Variants in GRK3 observed in about 807,000 individuals in gnomAD.
GRK3 encodes adrenergic, beta, receptor kinase 2.
A neutral mutation model predicts 95.7 loss-of-function variants in GRK3; 54 were observed. The ratio of observed to expected loss-of-function variants is 0.56; its 90% CI spans 0.45 to 0.71. GRK3 has a LOEUF of 0.71. Among genes scored for constraint, GRK3 ranks in the 30% least tolerant of loss-of-function variants. GRK3 has a pLI of 0.00. For synonymous variants in GRK3, 281 were observed against 290.8 expected (o/e 0.97, Z 0.34); for missense variants, 649 against 851.2 (o/e 0.76, Z 2.96).
At chr22:25,613,676 C>A (rs2084515556) in intron 2 of GRK3, among the ~76,000 whole-genome samples, 1 of 151,662 alleles carries the variant, frequency 6.6e-6, no homozygotes, top group South Asian at 2.1e-4. Flanking sequence ...TTCTTACAAA[C>A]CTACTGGCAA....
chr22:25,654,265 A>G (rs1017707388), intron 3 of GRK3, among the ~76,000 whole-genome samples: 9 of 152,228 alleles, frequency 5.9e-5, no homozygotes, highest in African/African-American at 2.2e-4. Flanking sequence ...CATTATTATT[A>G]GTGTGATATA....
At chr22:25,720,498 A>G (rs1292170018) in intron 19 of GRK3, among the ~76,000 whole-genome samples, 2 of 116,226 alleles carry the variant, frequency 1.7e-5, no homozygotes, top group Non-Finnish European at 3.4e-5. Flanking sequence ...TTTTTTTGAG[A>G]CAGAGTCTTG....
intron 1 of GRK3, among the ~76,000 whole-genome samples, chr22:25,596,002 G>T (rs1026951296): frequency 1.3e-5 from 2 of 152,096 alleles, no homozygotes; most frequent in Admixed American, 1.3e-4. Context: ...TGTATAAAAT[G>T]TTCTACTTCA....
At chr22:25,601,241 A>C (rs2146337728) in intron 1 of GRK3, among the ~76,000 whole-genome samples, 1 of 152,350 alleles carries the variant, frequency 6.6e-6, no homozygotes, top group South Asian at 2.1e-4. Flanking sequence ...TACTCAAAAC[A>C]GTAGATCATA....
intron 11 of GRK3, among the ~76,000 whole-genome samples, chr22:25,687,869 T>G (rs2085128804): frequency 6.6e-6 from 1 of 152,204 alleles, no homozygotes; most frequent in Admixed American, 6.5e-5. Context: ...CTGTCATTAT[T>G]ATAACCCTGG....
Position 25,663,611 on chromosome 22 carries a change from T to C in GRK3, c.367-19T>C. On this transcript the variant is annotated intron_variant, in intron 4 of 20. Coordinates refer to ENST00000324198, the MANE Select transcript of GRK3 (RefSeq NM_005160.4). ...GGTTACATTTTATTATTTAAAAATA[T>C]TATTTTTGACTTTGATAGCCTTTCT... 1 of 1,552,042 alleles carries C rather than the reference T, an allele frequency of 6.4e-7. No individual in the cohort carries two copies. Among genetic ancestry groups the C allele is most frequent in the Non-Finnish European group, 8.8e-7 (1 of 1,135,296 alleles).
intron 2 of GRK3, among the ~76,000 whole-genome samples, chr22:25,608,932 T>C (rs1036062009): frequency 4.6e-5 from 7 of 152,226 alleles, no homozygotes; most frequent in Non-Finnish European, 7.3e-5. Flanking sequence ...AATCTCCATT[T>C]GTTGTTTTTA....
At chr22:25,579,616 G>A (rs1000833770) in intron 1 of GRK3, among the ~76,000 whole-genome samples, 1 of 151,896 alleles carries the variant, frequency 6.6e-6, no homozygotes, top group Non-Finnish European at 1.5e-5. Context: ...GGGACTACAG[G>A]CACCCACCAC....
rs1555913827 is a variant in GRK3 at position 25,566,907 on chromosome 22, T to TTG, written c.113+1754_113+1755insTG. On this transcript the variant is annotated intron_variant, in intron 1 of 20. Coordinates refer to ENST00000324198, the MANE Select transcript of GRK3 (RefSeq NM_005160.4). Reference sequence around the variant, plus strand: ...CTCAACTCATGGGCAGTTTTTTTTTTGGGGGGGGCTAGTATATAATATTAA... The same window carrying TTG: ...CTCAACTCATGGGCAGTTTTTTTTTTTGGGGGGGGGCTAGTATATAATATTAA... 5.9e-3 allele frequency among the ~76,000 whole-genome samples: 879 copies of TTG among 149,244 alleles called. 12 individuals are homozygous for TTG. Among genetic ancestry groups the TTG allele is most frequent in the African/African-American group, 0.02 (812 of 39,744 alleles).
chr22:25,683,276 G>A (rs1408369403), intron 9 of GRK3, among the ~76,000 whole-genome samples: 2 of 152,206 alleles, frequency 1.3e-5, no homozygotes, highest in Non-Finnish European at 2.9e-5. Context: ...TCTACTGTTG[G>A]TAGACATTGG....
Position 25,709,786 on chromosome 22 carries a change from G to A in GRK3, c.1329-112G>A, listed in dbSNP as rs1476395896. ...AGCATATTTGTTTGCTTTCTTAAAG[G>A]AAAAAGTGGAAATACTTGCTCCCCT... is the stretch of plus-strand genomic sequence containing the variant. On this transcript the variant is annotated intron_variant, in intron 15 of 20. Transcript: ENST00000324198. The A allele has an allele frequency of 6.8e-6, 5 of 738,408 alleles. No individual in the cohort carries two copies. In the African/African-American group the frequency reaches 8.8e-5, roughly 13 times the overall value. 45.7% of individuals were successfully genotyped at this position (738,408 alleles called of 1,614,324 possible).
chr22:25,646,572 A>G (rs1346468402), intron 3 of GRK3, among the ~76,000 whole-genome samples: 1 of 152,204 alleles, frequency 6.6e-6, no homozygotes, highest in Non-Finnish European at 1.5e-5. Flanking sequence ...TATGAAACAC[A>G]CCTTTGGGTG....
At chr22:25,646,854 C>G (rs145079786) in intron 3 of GRK3, among the ~76,000 whole-genome samples, 3,971 of 151,890 alleles carry the variant, frequency 0.026, 58 homozygotes, top group African/African-American at 0.039. Flanking sequence ...AACCCTGTCT[C>G]TACTAAAAAT....
At chr22:25,692,051 C>T (rs146904087) in intron 12 of GRK3, among the ~76,000 whole-genome samples, 7 of 152,140 alleles carry the variant, frequency 4.6e-5, no homozygotes, top group Admixed American at 1.3e-4. Flanking sequence ...GCAGCCTCCC[C>T]CTCCCGGGCC....
chr22:25,574,502 CAAAT>C (rs942908701), intron 1 of GRK3, among the ~76,000 whole-genome samples: 2 of 152,068 alleles, frequency 1.3e-5, no homozygotes, highest in African/African-American at 4.8e-5. Context: ...TACAAAGAAA[CAAAT>C]AAAACCAAAA....
chr22:25,644,676 A>T lies in GRK3; in HGVS notation c.264+11A>T. ...AAGTTTTATGAAGAGGTAAGAAGTA[A>T]CTGTTTTACTGATGCTTTTCTTTCA... On this transcript the variant is annotated intron_variant, in intron 3 of 20. Transcript: ENST00000324198. The T allele has an allele frequency of 7.3e-7, 1 of 1,378,756 alleles. No homozygotes were observed. Among genetic ancestry groups the T allele is most frequent in the Non-Finnish European group, 1.0e-6 (1 of 987,690 alleles). The allele number at this position is 1,378,756 out of a possible 1,614,324, so 85.4% of individuals were successfully genotyped here.
chr22:25,602,921 T>C (rs796945369), intron 1 of GRK3, among the ~76,000 whole-genome samples: 7 of 152,314 alleles, frequency 4.6e-5, no homozygotes, highest in African/African-American at 1.7e-4. Context: ...CAATATACTT[T>C]CTTTTTGTTT....
rs1569194293 is a variant in GRK3, at chr22:25,685,229, C to T, written c.807C>T (p.Phe269=). 6.2e-7 allele frequency: 1 copy of T among 1,613,044 alleles called. No individual in the cohort carries two copies. Among genetic ancestry groups the T allele is most frequent in the South Asian group, 1.1e-5 (1 of 91,056 alleles). ...YAFHTPDKLC[F]ILDLMNGGDL... ...TCCATACCCCAGATAAACTCTGCTT[C>T]ATCCTGGATCTGATGAACGGTAAGC... Residue 269 remains phenylalanine, a synonymous_variant, in exon 10 of 21, where the codon TTC becomes TTT. Coordinates refer to ENST00000324198, the MANE Select transcript of GRK3 (RefSeq NM_005160.4).
chr22:25,670,895 A>AT (rs2084976173), intron 6 of GRK3, among the ~76,000 whole-genome samples: 1 of 149,404 alleles, frequency 6.7e-6, no homozygotes, highest in Non-Finnish European at 1.5e-5. Context: ...AAAAAAAAAA[A>AT]AAAAAAAAAT....
Sources: gnomAD v4.1 joint callset for allele counts (sites outside exome capture counted in the v4.1 genomes callset) on GRCh38, gnomAD v4.1.1 for gene constraint, MANE v1.5 for transcripts, NCBI Gene and HGNC (gene_info 2026-07-23, HGNC 2026-07-21) for gene names.